Variants in SEPTIN11 observed in about 807,000 individuals in gnomAD.
SEPTIN11 encodes the protein septin-11.
A neutral mutation model predicts 51.4 loss-of-function variants in SEPTIN11; 25 were observed. That is an observed-to-expected ratio of 0.49 (90% CI 0.35 to 0.68). The LOEUF (loss-of-function observed/expected upper bound fraction) is 0.68, where lower values mean the gene tolerates loss of function less well. Ranked by LOEUF, SEPTIN11 falls within the 30% of genes least tolerant of loss-of-function variation. The probability of loss-of-function intolerance (pLI) is 0.00; values close to 1 mark genes in which losing one functional copy is unlikely to be tolerated. For synonymous variants in SEPTIN11, 174 were observed against 184.1 expected (o/e 0.95, Z 0.44); for missense variants, 381 against 520.8 (o/e 0.73, Z 2.61).
chr4:77,005,580 T>A, intron 2 of SEPTIN11, 21 bp from the exon 3 acceptor site: 1 of 1,600,388 alleles, frequency 6.2e-7, no homozygotes, highest in Non-Finnish European at 8.5e-7. Context: ...ATTCTCTGAT[T>A]TTTCTTTTGT....
intron 1 of SEPTIN11, among the ~76,000 whole-genome samples, chr4:76,995,004 C>T (rs1475101807): frequency 1.5e-5 from 2 of 133,792 alleles, no homozygotes; most frequent in African/African-American, 2.8e-5. Context: ...CTGAAGCTGG[C>T]TGAGCCCAGG....
At chr4:76,964,887 C>T (rs1431211132) in intron 1 of SEPTIN11, among the ~76,000 whole-genome samples, 1 of 152,176 alleles carries the variant, frequency 6.6e-6, no homozygotes, top group Non-Finnish European at 1.5e-5. Flanking sequence ...TCATTTTAGT[C>T]TAGTCTCCTC....
chr4:76,965,091 C>T (rs1024013940), intron 1 of SEPTIN11, among the ~76,000 whole-genome samples: 2 of 152,074 alleles, frequency 1.3e-5, no homozygotes, highest in Non-Finnish European at 2.9e-5. Flanking sequence ...ATGCCTAAGT[C>T]TGCTTGCTTG....
At chr4:76,965,432 CAG>C (rs1326048768) in intron 1 of SEPTIN11, among the ~76,000 whole-genome samples, 1 of 138,168 alleles carries the variant, frequency 7.2e-6, no homozygotes, top group Non-Finnish European at 1.5e-5. Flanking sequence ...GCCTGGGCAA[CAG>C]AGCCAGACTC....
chr4:77,001,411 T>G lies in SEPTIN11; in HGVS notation c.143-4190T>G, dbSNP rs140886140. 7.2e-3 allele frequency among the ~76,000 whole-genome samples: 1,097 copies of G among 152,036 alleles called. 12 individuals are homozygous for G. The highest frequency in any genetic ancestry group is 0.025 in the African/African-American group (1,045 of 41,484). ...GTCGCCCAGGCTGGAGTGCAGTGGT[T>G]CAATCTCCACTGACTGCAACCTCCG... On this transcript the variant is annotated intron_variant, in intron 2 of 9. Coordinates refer to ENST00000264893, the MANE Select transcript of SEPTIN11 (RefSeq NM_018243.4).
intron 1 of SEPTIN11, among the ~76,000 whole-genome samples, chr4:76,954,049 A>C (rs1721457714): frequency 6.6e-6 from 1 of 152,196 alleles, no homozygotes; most frequent in Admixed American, 6.5e-5. Flanking sequence ...AAGGAAGTGG[A>C]TGCTTAGTGT....
At chr4:77,025,856 G>A (rs1164722423) in intron 7 of SEPTIN11, among the ~76,000 whole-genome samples, 2 of 152,186 alleles carry the variant, frequency 1.3e-5, no homozygotes, top group Non-Finnish European at 2.9e-5. Flanking sequence ...GATATAAGAA[G>A]TAGCATTTGT....
At chr4:76,990,616 C>T (rs917192965) in intron 1 of SEPTIN11, among the ~76,000 whole-genome samples, 17 of 152,246 alleles carry the variant, frequency 1.1e-4, no homozygotes, top group East Asian at 5.8e-4. Flanking sequence ...CTAGGTTGTG[C>T]GTTCCTTATG....
chr4:77,008,069 C>T (rs1311111606), intron 3 of SEPTIN11, among the ~76,000 whole-genome samples: 1 of 152,222 alleles, frequency 6.6e-6, no homozygotes, highest in Non-Finnish European at 1.5e-5. Flanking sequence ...TTATCTGCCT[C>T]AGACCAGGCT....
chr4:76,964,662 A>T (rs926171340), intron 1 of SEPTIN11, among the ~76,000 whole-genome samples: 14 of 152,248 alleles, frequency 9.2e-5, no homozygotes, highest in African/African-American at 3.4e-4. Context: ...GAGCTATTTC[A>T]TCACCATCAT....
At chr4:77,026,061 A>G (rs915202702) in intron 7 of SEPTIN11, among the ~76,000 whole-genome samples, 4 of 152,230 alleles carry the variant, frequency 2.6e-5, no homozygotes, top group African/African-American at 9.6e-5. Context: ...AGTAATGCCT[A>G]CTCTTAAACT....
At chr4:76,951,916 G>A (rs1040377241) in intron 1 of SEPTIN11, among the ~76,000 whole-genome samples, 2 of 152,110 alleles carry the variant, frequency 1.3e-5, no homozygotes, top group African/African-American at 4.8e-5. Flanking sequence ...TTAAGTATAC[G>A]TGCACAGAGG....
In SEPTIN11 at chr4:77,035,912, C is replaced by T. The variant is rs371304414; in HGVS notation, c.*1400C>T. ...CAAGATCCTCCCAGCTTTCTCTCTA[C>T]ATGTAGAAAGGATAACATTTCTCAT... On this transcript the variant is annotated 3_prime_UTR_variant, in exon 10 of 10. Coordinates refer to ENST00000264893, the MANE Select transcript of SEPTIN11 (RefSeq NM_018243.4). 20 of 985,752 alleles carry T rather than the reference C, an allele frequency of 2.0e-5. No individual in the cohort carries two copies. In the East Asian group the frequency reaches 7.9e-4, roughly 39 times the overall value. The allele number at this position is 985,752 out of a possible 1,614,324, so 61.1% of individuals were successfully genotyped here. A position where few individuals can be genotyped will look rare whatever the true frequency, so the allele number is the denominator to read the frequency against.
At chr4:77,016,615 C>CATATATATATATATATACACACATATAT (rs370267588) in intron 5 of SEPTIN11, among the ~76,000 whole-genome samples, 1 of 79,192 alleles carries the variant, frequency 1.3e-5, no homozygotes, top group Non-Finnish European at 2.5e-5. Context: ...TATATATACA[C>CATATATATATATATATACACACATATAT]ATATATATAT....
intron 6 of SEPTIN11, among the ~76,000 whole-genome samples, chr4:77,019,909 A>G (rs913393433): frequency 1.3e-5 from 2 of 152,244 alleles, no homozygotes; most frequent in African/African-American, 4.8e-5. Context: ...AATAAAGGCA[A>G]TAAAGCTGTG....
At chr4:76,974,100 A>G (rs1722375192) in intron 1 of SEPTIN11, among the ~76,000 whole-genome samples, 1 of 152,072 alleles carries the variant, frequency 6.6e-6, no homozygotes, top group Admixed American at 6.6e-5. Context: ...CAATCTTTTG[A>G]TCACTCACAT....
chr4:77,005,877 T>C, intron 3 of SEPTIN11, 81 bp downstream of exon 3: 1 of 1,321,420 alleles, frequency 7.6e-7, no homozygotes, highest in African/African-American at 1.5e-5. Flanking sequence ...AGGCCAAATG[T>C]TTTGGGGATT....
intron 5 of SEPTIN11, among the ~76,000 whole-genome samples, chr4:77,017,791 GA>G (rs1245648338): frequency 5.3e-5 from 8 of 152,088 alleles, no homozygotes; most frequent in African/African-American, 1.7e-4. Context: ...CATGCTAATA[GA>G]AAAAAGATAG....
intron 1 of SEPTIN11, among the ~76,000 whole-genome samples, chr4:76,988,885 G>C (rs1462857283): frequency 6.6e-6 from 1 of 152,174 alleles, no homozygotes. Flanking sequence ...ATTTCCATTT[G>C]GTTTGGAGTT....
Sources: allele counts gnomAD v4.1 joint callset (sites outside exome capture counted in the v4.1 genomes callset), GRCh38; gene constraint gnomAD v4.1.1; transcripts MANE v1.5; gene names NCBI Gene and HGNC (gene_info 2026-07-23, HGNC 2026-07-21).